The following NUDCD1 variants were observed in gnomAD, a reference collection of about 807,000 sequenced individuals.
The protein encoded by NUDCD1 is NudC domain containing 1.
A neutral mutation model predicts 67.8 loss-of-function variants in NUDCD1; 60 were observed. The ratio of observed to expected loss-of-function variants is 0.88; its 90% CI spans 0.72 to 1.10. The LOEUF (loss-of-function observed/expected upper bound fraction) is 1.10, where lower values mean the gene tolerates loss of function less well. Ranked by LOEUF, NUDCD1 falls within the 50% of genes least tolerant of loss-of-function variation. The pLI is 0.00. For synonymous variants in NUDCD1, 244 were observed against 230.8 expected (o/e 1.06, Z -0.52); for missense variants, 643 against 695.0 (o/e 0.93, Z 0.84).
At chr8:109,314,784 T>C (rs371752035) in intron 2 of NUDCD1, among the ~76,000 whole-genome samples, 1 of 152,008 alleles carries the variant, frequency 6.6e-6, no homozygotes, top group Admixed American at 6.6e-5. Flanking sequence ...ACACTGTAAA[T>C]AAACAGTAAA....
chr8:109,274,156 C>T (rs868664379), intron 7 of NUDCD1, among the ~76,000 whole-genome samples: 3 of 152,104 alleles, frequency 2.0e-5, no homozygotes, highest in African/African-American at 2.4e-5. Context: ...CTGCTTTTAC[C>T]ATTCGAGAGT....
At chr8:109,264,887 T>G (rs1253885254) in intron 8 of NUDCD1, among the ~76,000 whole-genome samples, 1 of 151,690 alleles carries the variant, frequency 6.6e-6, no homozygotes, top group East Asian at 1.9e-4. Flanking sequence ...ATCCCAATTT[T>G]CATTAGAAAA....
chr8:109,249,256 T>C (rs1813569730), intron 8 of NUDCD1, among the ~76,000 whole-genome samples: 1 of 152,220 alleles, frequency 6.6e-6, no homozygotes, highest in Admixed American at 6.5e-5. Flanking sequence ...AGTATTAATG[T>C]TAATTATTAC....
At chr8:109,261,442 C>A (rs1563662481) in intron 8 of NUDCD1, among the ~76,000 whole-genome samples, 1 of 151,984 alleles carries the variant, frequency 6.6e-6, no homozygotes. Context: ...TTGACTCTCA[C>A]AAACTTAAAG....
chr8:109,301,322 C>T (rs1814984826), intron 2 of NUDCD1, among the ~76,000 whole-genome samples: 4 of 152,190 alleles, frequency 2.6e-5, no homozygotes, highest in East Asian at 1.9e-4. Context: ...ATATTCTCTC[C>T]GCCCTTAAGA....
chr8:109,297,995 C>T (rs2130050031), intron 2 of NUDCD1, among the ~76,000 whole-genome samples: 1 of 152,290 alleles, frequency 6.6e-6, no homozygotes. Context: ...AATGTCCTTA[C>T]TGGCCACAAA....
intron 5 of NUDCD1, among the ~76,000 whole-genome samples, chr8:109,288,688 C>T (rs1014569342): frequency 5.3e-5 from 8 of 152,030 alleles, no homozygotes; most frequent in African/African-American, 1.9e-4. Context: ...ATGGAGTAGC[C>T]ATTCTTTTAT....
At chr8:109,298,109 TTAAA>T (rs1483628296) in intron 2 of NUDCD1, among the ~76,000 whole-genome samples, 1 of 152,218 alleles carries the variant, frequency 6.6e-6, no homozygotes, top group East Asian at 1.9e-4. Context: ...TAATATTAAA[TTAAA>T]TAATAAATAC....
At chr8:109,264,259 C>A (rs1813938003) in intron 8 of NUDCD1, among the ~76,000 whole-genome samples, 1 of 152,082 alleles carries the variant, frequency 6.6e-6, no homozygotes, top group Non-Finnish European at 1.5e-5. Context: ...AGTAAATGAC[C>A]AAAGTCTGTC....
chr8:109,320,105 G>C (rs184247176), intron 2 of NUDCD1, among the ~76,000 whole-genome samples: 69 of 152,302 alleles, frequency 4.5e-4, no homozygotes, highest in Admixed American at 1.7e-3. Context: ...CCACAGGACT[G>C]GGGCGAAATT....
At chr8:109,273,529 C>T (rs1814207883) in intron 7 of NUDCD1, among the ~76,000 whole-genome samples, 2 of 151,826 alleles carry the variant, frequency 1.3e-5, no homozygotes, top group East Asian at 1.9e-4. Flanking sequence ...AATATATCCC[C>T]GGTAAACAAA....
intron 1 of NUDCD1, chr8:109,330,009 G>T: frequency 1.1e-6 from 1 of 902,156 alleles, no homozygotes; most frequent in Non-Finnish European, 1.5e-6. Context: ...CCCTGAGGAA[G>T]TAACATGTAA....
chr8:109,258,468 T>C (rs1411446066), intron 8 of NUDCD1, among the ~76,000 whole-genome samples: 1 of 151,952 alleles, frequency 6.6e-6, no homozygotes, highest in Non-Finnish European at 1.5e-5. Context: ...CTTCATCTCA[T>C]CTAGTGTGTG....
intron 2 of NUDCD1, among the ~76,000 whole-genome samples, chr8:109,311,557 G>GTATATATA (rs569380890): frequency 3.2e-5 from 2 of 62,714 alleles, no homozygotes; most frequent in South Asian, 7.6e-4. Flanking sequence ...AGAAACTGTG[G>GTATATATA]TGTATATATA....
chr8:109,324,940 A>G, intron 1 of NUDCD1, among the ~76,000 whole-genome samples: 1 of 152,096 alleles, frequency 6.6e-6, no homozygotes, highest in East Asian at 1.9e-4. Flanking sequence ...CAAAAAACAA[A>G]TTAGCTGGGT....
At chr8:109,291,613 GA>G (rs1232660995) in intron 4 of NUDCD1, among the ~76,000 whole-genome samples, 2 of 150,796 alleles carry the variant, frequency 1.3e-5, no homozygotes, top group East Asian at 1.9e-4. Context: ...AGAAAAAGAA[GA>G]AAAAAACCAA....
chr8:109,321,512 C>A (rs1586310410), intron 2 of NUDCD1, among the ~76,000 whole-genome samples: 1 of 150,508 alleles, frequency 6.6e-6, no homozygotes, highest in East Asian at 1.9e-4. Flanking sequence ...GTTCTAAGGA[C>A]ATTTTTTTTA....
At chr8:109,306,917 G>A (rs1393554415) in intron 2 of NUDCD1, among the ~76,000 whole-genome samples, 1 of 151,914 alleles carries the variant, frequency 6.6e-6, no homozygotes, top group Non-Finnish European at 1.5e-5. Context: ...CCCTCTCGAA[G>A]CAGCCCTGAG....
chr8:109,286,949 A>G (rs1814587967), intron 5 of NUDCD1, among the ~76,000 whole-genome samples: 1 of 152,140 alleles, frequency 6.6e-6, no homozygotes, highest in South Asian at 2.1e-4. Context: ...CCATTAAACA[A>G]TGGGCAAAAG....
Sources: gnomAD v4.1 joint callset for allele counts (sites outside exome capture counted in the v4.1 genomes callset) on GRCh38, gnomAD v4.1.1 for gene constraint, MANE v1.5 for transcripts, NCBI Gene and HGNC (gene_info 2026-07-23, HGNC 2026-07-21) for gene names.